Variants in FARSB observed in about 807,000 individuals in gnomAD.
The protein encoded by FARSB is phenylalanine--tRNA ligase beta subunit.
FARSB carries 40 observed loss-of-function variants against 69.6 expected under a neutral mutation model. That is an observed-to-expected ratio of 0.57 (90% CI 0.45 to 0.75). FARSB has a LOEUF of 0.75. Ranked by LOEUF, FARSB falls within the 30% of genes least tolerant of loss-of-function variation. The probability of loss-of-function intolerance (pLI) is 0.00; values close to 1 mark genes in which losing one functional copy is unlikely to be tolerated. For synonymous variants in FARSB, 235 were observed against 247.2 expected, an observed-to-expected ratio of 0.95 and a Z score of 0.46; for missense variants, 632 against 722.9, an observed-to-expected ratio of 0.87 and a Z score of 1.44.
chr2:222,647,612 G>A (rs1691903448), intron 2 of FARSB, among the ~76,000 whole-genome samples: 1 of 152,196 alleles, frequency 6.6e-6, no homozygotes, highest in Non-Finnish European at 1.5e-5. Context: ...CAAGAAAGCA[G>A]CCTCAGGTCC....
At chr2:222,629,004 C>A in intron 9 of FARSB, 116 bp from the exon 10 acceptor site, 1 of 715,252 alleles carries the variant, frequency 1.4e-6, no homozygotes, top group Non-Finnish European at 2.5e-6. Context: ...CAACATACTC[C>A]ATCTATCGCA....
chr2:222,648,202 A>G (rs938737369), intron 2 of FARSB, among the ~76,000 whole-genome samples: 1 of 152,222 alleles, frequency 6.6e-6, no homozygotes, highest in Non-Finnish European at 1.5e-5. Flanking sequence ...TATTGTAATC[A>G]TTATACAATC....
chr2:222,650,404 A>G (rs1298120331), intron 1 of FARSB, among the ~76,000 whole-genome samples: 2 of 152,200 alleles, frequency 1.3e-5, no homozygotes, highest in Admixed American at 6.5e-5. Flanking sequence ...GTCTACTGCA[A>G]TAGTACAGAT....
intron 15 of FARSB, among the ~76,000 whole-genome samples, chr2:222,607,921 T>A (rs1001997005): frequency 2.0e-5 from 3 of 152,074 alleles, no homozygotes; most frequent in Non-Finnish European, 4.4e-5. Context: ...TGGGTTGGCT[T>A]TTATTTAGTT....
intron 16 of FARSB, among the ~76,000 whole-genome samples, chr2:222,593,767 T>C (rs1207105560): frequency 2.0e-5 from 3 of 151,780 alleles, no homozygotes; most frequent in African/African-American, 7.3e-5. Context: ...GCTACACTGA[T>C]GGCTGAGGTG....
At chr2:222,653,820 C>T (rs778738845) in intron 1 of FARSB, among the ~76,000 whole-genome samples, 1 of 152,036 alleles carries the variant, frequency 6.6e-6, no homozygotes, top group African/African-American at 2.4e-5. Flanking sequence ...CAGGGTTTTG[C>T]TGTGTTGCCC....
At chr2:222,652,043 A>C (rs1330976532) in intron 1 of FARSB, among the ~76,000 whole-genome samples, 1 of 152,182 alleles carries the variant, frequency 6.6e-6, no homozygotes, top group Non-Finnish European at 1.5e-5. Context: ...GCCCCTTTGA[A>C]GTGGAAGGGC....
At chr2:222,618,335 T>C (rs1382337260) in intron 14 of FARSB, among the ~76,000 whole-genome samples, 2 of 152,324 alleles carry the variant, frequency 1.3e-5, no homozygotes, top group Middle Eastern at 3.4e-3. Flanking sequence ...ACCCAGTCCC[T>C]TATTTTTGTA....
At chr2:222,616,945 C>T (rs1480892994) in intron 14 of FARSB, among the ~76,000 whole-genome samples, 1 of 151,558 alleles carries the variant, frequency 6.6e-6, no homozygotes, top group Non-Finnish European at 1.5e-5. Context: ...GACAGGCACT[C>T]TCTTTGATCT....
At position 222,630,180 on chromosome 2, in the gene FARSB, A is replaced by T; in HGVS notation, c.787-6T>A. The T allele has an allele frequency of 7.0e-7, 1 of 1,438,830 alleles. No individual in the cohort carries two copies. The highest frequency in any genetic ancestry group is 1.3e-5 in the South Asian group (1 of 77,224). The allele number at this position is 1,438,830 out of a possible 1,614,324, so 89.1% of individuals were successfully genotyped here. A position where few individuals can be genotyped will look rare whatever the true frequency, so the allele number is the denominator to read the frequency against. On this transcript the variant is annotated splice_region_variant and splice_polypyrimidine_tract_variant and intron_variant, in intron 8 of 16. Transcript: ENST00000281828. Reference sequence around the variant, plus strand: ...ATATCAAGAACTATTTTTGCCTGCAAAGAAAAGAAAAACAAATATAGTAAT... The same window carrying T: ...ATATCAAGAACTATTTTTGCCTGCATAGAAAAGAAAAACAAATATAGTAAT...
At chr2:222,644,892 C>A (rs1460905055) in intron 2 of FARSB, among the ~76,000 whole-genome samples, 2 of 151,420 alleles carry the variant, frequency 1.3e-5, no homozygotes, top group Non-Finnish European at 2.9e-5. Context: ...CACCTATTTT[C>A]AAACCACAGT....
At chr2:222,603,927 ATTG>A (rs1292093741) in intron 15 of FARSB, among the ~76,000 whole-genome samples, 1 of 151,994 alleles carries the variant, frequency 6.6e-6, no homozygotes, top group Non-Finnish European at 1.5e-5. Context: ...AAAGATGTGC[ATTG>A]TTGAGGCCAG....
intron 5 of FARSB, among the ~76,000 whole-genome samples, chr2:222,635,319 G>T (rs964277566): frequency 2.6e-5 from 4 of 152,264 alleles, no homozygotes; most frequent in South Asian, 4.1e-4. Flanking sequence ...CAAAATTTGT[G>T]TTCTTAACAT....
chr2:222,632,035 GCACGA>G (rs1691440916), intron 7 of FARSB, among the ~76,000 whole-genome samples: 2 of 139,716 alleles, frequency 1.4e-5, no homozygotes, highest in African/African-American at 6.6e-5. Flanking sequence ...TGGTGCAATG[GCACGA>G]CATGGTGCAA....
At position 222,577,295 on chromosome 2, in the gene FARSB, GA is replaced by G. The variant is rs146792438; in HGVS notation, c.1619-5274del. 9.1e-3 allele frequency among the ~76,000 whole-genome samples: 1,389 copies of G among 152,244 alleles called. 24 individuals carry two copies. The highest frequency in any genetic ancestry group is 0.032 in the African/African-American group (1,330 of 41,532). On this transcript the variant is annotated intron_variant, in intron 16 of 16. Transcript: ENST00000281828. ...GTATACAATTCTTCACCTTGCATTT[GA>G]AGTGAAATATTTATGGTACCTAAAG...
chr2:222,588,171 T>C (rs546331221), intron 16 of FARSB, among the ~76,000 whole-genome samples: 21 of 152,294 alleles, frequency 1.4e-4, no homozygotes, highest in African/African-American at 4.1e-4. Context: ...CATGATCAAG[T>C]TGGCTTCATC....
intron 15 of FARSB, among the ~76,000 whole-genome samples, chr2:222,604,759 G>A (rs917262879): frequency 8.1e-6 from 1 of 123,674 alleles, no homozygotes; most frequent in Non-Finnish European, 1.6e-5. Flanking sequence ...TTTCAGTAGA[G>A]ACAGGGTTTT....
rs1226802175 is a variant in FARSB, at chr2:222,569,041, C to G, written c.*2830G>C. The G allele has an allele frequency of 6.6e-6, 1 of 152,188 alleles. No individual in the cohort carries two copies. The highest frequency in any genetic ancestry group is 1.5e-5 in the Non-Finnish European group (1 of 68,026). The allele number at this position is 152,188 out of a possible 1,614,324, so 9.4% of individuals were successfully genotyped here. On this transcript the variant is annotated 3_prime_UTR_variant, in exon 17 of 17. Transcript: ENST00000281828. ...GCAGTACTCACAGACTGCCCTGGCTCCAGTTCAAATGCTTCACCAGGGACA... is the reference window on the plus strand; with the variant it reads ...GCAGTACTCACAGACTGCCCTGGCTGCAGTTCAAATGCTTCACCAGGGACA...
chr2:222,603,632 C>T (rs970135904), intron 15 of FARSB, among the ~76,000 whole-genome samples: 8 of 148,010 alleles, frequency 5.4e-5, no homozygotes, highest in Admixed American at 2.0e-4. Flanking sequence ...AACTAATTGG[C>T]TGGAGCTAAT....
Sources: gnomAD v4.1 joint callset for allele counts (sites outside exome capture counted in the v4.1 genomes callset) on GRCh38, gnomAD v4.1.1 for gene constraint, MANE v1.5 for transcripts, NCBI Gene and HGNC (gene_info 2026-07-23, HGNC 2026-07-21) for gene names.